Variants in NELL1 observed in about 807,000 individuals in gnomAD.
The protein encoded by NELL1 is protein kinase C-binding protein NELL1.
NELL1 carries 76 observed loss-of-function variants against 107.4 expected under a neutral mutation model. The ratio of observed to expected loss-of-function variants is 0.71; its 90% CI spans 0.59 to 0.86. NELL1 has a LOEUF of 0.86. NELL1 is among the 40% of genes least tolerant of loss of function. The pLI is 0.00. For synonymous variants in NELL1, 353 were observed against 341.2 expected, an observed-to-expected ratio of 1.03 and a Z score of -0.38; for missense variants, 1,024 against 1,005.5, an observed-to-expected ratio of 1.02 and a Z score of -0.25.
intron 15 of NELL1, among the ~76,000 whole-genome samples, chr11:21,500,084 GAATT>G (rs1372158212): frequency 2.0e-5 from 3 of 152,000 alleles, no homozygotes; most frequent in Non-Finnish European, 2.9e-5. Context: ...TCTATAATGA[GAATT>G]TATTATTTTG....
In NELL1 at chr11:20,885,455, G is replaced by A. The variant is rs538033128; in HGVS notation, c.518G>A (p.Arg173His). The change falls in exon 5 of 20, where the codon CGT becomes CAT. Residue 173 changes from arginine (R) to histidine (H), a missense_variant. Arg to His is a conservative substitution (Grantham distance 29, BLOSUM62 0). Coordinates refer to ENST00000357134, the MANE Select transcript of NELL1 (RefSeq NM_006157.5). ...LHVDCNRIYE[R>H]VIDPPDTNLP... ...CTTTGCCTTTACAGGATTTATGAGC[G>A]TGTGATAGACCCTCCAGATACCAAC... 1.3e-4 allele frequency: 217 copies of A among 1,609,704 alleles called. 2 individuals carry two copies. Among genetic ancestry groups the A allele is most frequent in the South Asian group, 1.3e-3 (121 of 90,986 alleles).
intron 15 of NELL1, among the ~76,000 whole-genome samples, chr11:21,496,763 C>T (rs991585319): frequency 6.6e-6 from 1 of 152,116 alleles, no homozygotes. Flanking sequence ...TTTATTCTCT[C>T]CCTACTTTCT....
intron 15 of NELL1, among the ~76,000 whole-genome samples, chr11:21,455,984 G>T (rs1590946111): frequency 6.6e-6 from 1 of 151,480 alleles, no homozygotes; most frequent in East Asian, 2.0e-4. Flanking sequence ...TGCCTCCCAG[G>T]TCCAGCATTT....
At chr11:21,271,135 TA>T (rs1291651552) in intron 14 of NELL1, among the ~76,000 whole-genome samples, 2 of 151,798 alleles carry the variant, frequency 1.3e-5, no homozygotes, top group South Asian at 4.2e-4. Context: ...AAACATATAA[TA>T]AAAATTAGTG....
At chr11:21,374,416 C>T (rs541655079) in intron 15 of NELL1, among the ~76,000 whole-genome samples, 15 of 151,988 alleles carry the variant, frequency 9.9e-5, no homozygotes, top group South Asian at 2.1e-4. Context: ...CCACAGGCTA[C>T]GTGAGAGGCC....
At chr11:21,500,808 C>G (rs1299060592) in intron 15 of NELL1, among the ~76,000 whole-genome samples, 1 of 152,122 alleles carries the variant, frequency 6.6e-6, no homozygotes, top group African/African-American at 2.4e-5. Flanking sequence ...TTTATTCCTA[C>G]TCTGCAAATA....
intron 12 of NELL1, among the ~76,000 whole-genome samples, chr11:21,058,048 A>C (rs1853652749): frequency 6.6e-6 from 1 of 152,086 alleles, no homozygotes; most frequent in Admixed American, 6.6e-5. Context: ...CAGAAATATA[A>C]AAAATGTCAC....
intron 14 of NELL1, among the ~76,000 whole-genome samples, chr11:21,256,944 A>G (rs1858785239): frequency 6.6e-6 from 1 of 152,038 alleles, no homozygotes; most frequent in Non-Finnish European, 1.5e-5. Context: ...CAGGAACCCA[A>G]TCCTGGTAGG....
chr11:21,189,001 A>G (rs1007182910), intron 13 of NELL1, among the ~76,000 whole-genome samples: 2 of 151,774 alleles, frequency 1.3e-5, no homozygotes, highest in African/African-American at 2.4e-5. Context: ...CTGCTACTCT[A>G]TGTCCCTATA....
chr11:20,746,434 TC>T, intron 2 of NELL1, among the ~76,000 whole-genome samples: 1 of 152,280 alleles, frequency 6.6e-6, no homozygotes, highest in Middle Eastern at 3.4e-3. Context: ...ACCTCAGACT[TC>T]TAATCTGTAA....
At chr11:21,152,626 C>A (rs1856144236) in intron 13 of NELL1, among the ~76,000 whole-genome samples, 1 of 152,126 alleles carries the variant, frequency 6.6e-6, no homozygotes, top group Non-Finnish European at 1.5e-5. Flanking sequence ...TTAGCATTTT[C>A]ATTTTATCAT....
Position 20,783,736 on chromosome 11 carries a change from TTCC to T in NELL1, c.242_244del (p.Phe81_Arg82delinsTrp). The T allele has an allele frequency of 6.2e-7, 1 of 1,612,784 alleles. No homozygotes were observed. The highest frequency in any genetic ancestry group is 1.3e-5 in the African/African-American group (1 of 74,992). On this transcript the variant is annotated inframe_deletion, in exon 3 of 20. Coordinates refer to ENST00000357134, the MANE Select transcript of NELL1 (RefSeq NM_006157.5). ...TGTGAGTGAGAAATTAATTCAGCTG[TTCC>T]GGAACAAGAGTGAATTCACCATTTT...
chr11:20,707,665 G>A (rs1053328209), intron 2 of NELL1, among the ~76,000 whole-genome samples: 1 of 152,210 alleles, frequency 6.6e-6, no homozygotes, highest in Non-Finnish European at 1.5e-5. Flanking sequence ...GGTTTCACCA[G>A]TAGAGGCTGC....
chr11:20,964,752 C>T (rs557548259), intron 12 of NELL1, among the ~76,000 whole-genome samples: 5 of 152,260 alleles, frequency 3.3e-5, no homozygotes, highest in South Asian at 2.1e-4. Context: ...TGTGAGTGGA[C>T]GTGACATGTA....
chr11:20,938,978 A>G (rs1421881726), intron 10 of NELL1, among the ~76,000 whole-genome samples: 2 of 147,018 alleles, frequency 1.4e-5, no homozygotes, highest in Admixed American at 6.8e-5. Flanking sequence ...GCACGTGTGT[A>G]TGTCACGAGC....
intron 3 of NELL1, among the ~76,000 whole-genome samples, chr11:20,806,661 C>A (rs1266645125): frequency 1.3e-5 from 2 of 152,098 alleles, no homozygotes; most frequent in African/African-American, 2.4e-5. Flanking sequence ...CCTTTAAGGC[C>A]AATAACTCAT....
chr11:21,511,028 C>A (rs1334384076), intron 15 of NELL1, among the ~76,000 whole-genome samples: 1 of 152,110 alleles, frequency 6.6e-6, no homozygotes, highest in East Asian at 1.9e-4. Context: ...ACTGTCTCCT[C>A]ATCTGTAAAA....
intron 15 of NELL1, among the ~76,000 whole-genome samples, chr11:21,445,007 A>G (rs774315944): frequency 1.7e-4 from 26 of 152,328 alleles, no homozygotes; most frequent in Non-Finnish European, 2.6e-4. Context: ...TAAACTGATG[A>G]CAACTTAACA....
intron 5 of NELL1, among the ~76,000 whole-genome samples, chr11:20,908,109 G>A (rs1195145837): frequency 6.6e-6 from 1 of 152,158 alleles, no homozygotes; most frequent in African/African-American, 2.4e-5. Flanking sequence ...TGGTGGGAAT[G>A]TAAATTAGTT....
Sources: allele counts gnomAD v4.1 joint callset (sites outside exome capture counted in the v4.1 genomes callset), GRCh38; gene constraint gnomAD v4.1.1; transcripts MANE v1.5; gene names NCBI Gene and HGNC (gene_info 2026-07-23, HGNC 2026-07-21).